GRIP1: variants seen among roughly 807,000 people sequenced by gnomAD.
GRIP1 encodes glutamate receptor-interacting protein 1.
GRIP1 carries 45 observed loss-of-function variants against 129.9 expected under a neutral mutation model. That is an observed-to-expected ratio of 0.35 (90% CI 0.27 to 0.44). The LOEUF (loss-of-function observed/expected upper bound fraction) is 0.44, where lower values mean the gene tolerates loss of function less well. GRIP1 is among the 20% of genes least tolerant of loss of function. The pLI, the probability that GRIP1 is intolerant of heterozygous loss-of-function variation, is 1.00. For synonymous variants in GRIP1, 530 were observed against 520.8 expected (o/e 1.02, Z -0.24); for missense variants, 1,196 against 1,396.8 (o/e 0.86, Z 2.29).
At chr12:66,449,787 G>A (rs995589155) in intron 11 of GRIP1, among the ~76,000 whole-genome samples, 2 of 152,158 alleles carry the variant, frequency 1.3e-5, no homozygotes, top group Non-Finnish European at 2.9e-5. Flanking sequence ...AGAGTATCAT[G>A]TTACAGCATC....
chr12:66,582,155 C>T (rs1290189029), intron 2 of GRIP1, among the ~76,000 whole-genome samples: 1 of 151,502 alleles, frequency 6.6e-6, no homozygotes, highest in Non-Finnish European at 1.5e-5. Flanking sequence ...AGACAAAAAC[C>T]ACATGATTAT....
chr12:66,573,535 G>A, intron 2 of GRIP1, among the ~76,000 whole-genome samples: 1 of 152,158 alleles, frequency 6.6e-6, no homozygotes, highest in East Asian at 1.9e-4. Context: ...GAAAACTGAA[G>A]CATGAAACTG....
At chr12:66,378,248 C>G (rs936938028) in intron 20 of GRIP1, among the ~76,000 whole-genome samples, 2 of 151,796 alleles carry the variant, frequency 1.3e-5, no homozygotes, top group South Asian at 4.2e-4. Context: ...TTGAGACCAG[C>G]GTGGCCAACA....
chr12:66,601,492 A>G (rs1301539067), intron 1 of GRIP1, among the ~76,000 whole-genome samples: 2 of 152,146 alleles, frequency 1.3e-5, no homozygotes, highest in Non-Finnish European at 1.5e-5. Context: ...GAGGCACCCG[A>G]TATGAATATG....
chr12:66,450,012 A>G (rs1219344841), intron 11 of GRIP1, among the ~76,000 whole-genome samples: 1 of 152,138 alleles, frequency 6.6e-6, no homozygotes, highest in East Asian at 1.9e-4. Flanking sequence ...ACTAAGAAAG[A>G]GCCAAGAGCC....
At chr12:66,584,340 T>C (rs1416364216) in intron 2 of GRIP1, among the ~76,000 whole-genome samples, 2 of 151,958 alleles carry the variant, frequency 1.3e-5, no homozygotes, top group African/African-American at 2.4e-5. Flanking sequence ...CGCACCAGCA[T>C]GGCACATGTA....
At chr12:66,757,726 T>C (rs771826702) in intron 1 of GRIP1, among the ~76,000 whole-genome samples, 18 of 152,176 alleles carry the variant, frequency 1.2e-4, no homozygotes, top group Non-Finnish European at 2.5e-4. Context: ...TGTACGAAGG[T>C]TCCCTTTTCT....
intron 1 of GRIP1, among the ~76,000 whole-genome samples, chr12:66,917,984 A>G (rs553845595): frequency 7.9e-5 from 12 of 152,064 alleles, no homozygotes; most frequent in Non-Finnish European, 1.8e-4. Context: ...ACGGAGAGAG[A>G]GAGAGAGAGA....
chr12:66,802,637 G>C (rs975366536), intron 1 of GRIP1, among the ~76,000 whole-genome samples: 3 of 152,028 alleles, frequency 2.0e-5, no homozygotes, highest in Non-Finnish European at 4.4e-5. Flanking sequence ...ATATATCATG[G>C]TACAAACCTG....
intron 1 of GRIP1, among the ~76,000 whole-genome samples, chr12:66,721,529 C>T (rs946533179): frequency 1.3e-5 from 2 of 152,150 alleles, no homozygotes; most frequent in Non-Finnish European, 2.9e-5. Context: ...TCCACCTCAG[C>T]CTTCCAAAGT....
At chr12:66,937,148 C>T (rs564142260) in intron 1 of GRIP1, among the ~76,000 whole-genome samples, 3 of 152,256 alleles carry the variant, frequency 2.0e-5, no homozygotes, top group Admixed American at 1.3e-4. Flanking sequence ...CATTCCTCCC[C>T]GAGATACCTG....
chr12:66,647,834 G>C (rs1278762315), intron 1 of GRIP1, among the ~76,000 whole-genome samples: 1 of 152,068 alleles, frequency 6.6e-6, no homozygotes, highest in Non-Finnish European at 1.5e-5. Context: ...AGAGATGATG[G>C]GTTTTGGAAC....
In GRIP1 at chr12:66,922,424, C is replaced by A. The variant is rs148056705; in HGVS notation, c.58+146626G>T. Reference sequence around the variant, plus strand: ...ACATTCTTAGCTTGTAAGAAAGTTTCACAATGTACCCATACATTGTCAAAT... The same window carrying A: ...ACATTCTTAGCTTGTAAGAAAGTTTAACAATGTACCCATACATTGTCAAAT... On this transcript the variant is annotated intron_variant, in intron 1 of 1. Coordinates refer to the GRIP1 transcript ENST00000643019. Among the ~76,000 whole-genome samples the A allele has an allele frequency of 1.3e-3, 198 of 152,254 alleles. 1 individual carries two copies. Among genetic ancestry groups the A allele is most frequent in the African/African-American group, 4.5e-3 (188 of 41,548 alleles).
chr12:67,042,862 A>G (rs1451598843), intron 1 of GRIP1, among the ~76,000 whole-genome samples: 2 of 152,216 alleles, frequency 1.3e-5, no homozygotes. Flanking sequence ...ATTAGACTCT[A>G]AGTATGAGTG....
chr12:67,007,500 G>A (rs2042644172), intron 1 of GRIP1, among the ~76,000 whole-genome samples: 1 of 152,102 alleles, frequency 6.6e-6, no homozygotes, highest in African/African-American at 2.4e-5. Context: ...AACAAAGAAT[G>A]AGGCAAATCA....
chr12:67,037,877 A>T, intron 1 of GRIP1, among the ~76,000 whole-genome samples: 1 of 152,220 alleles, frequency 6.6e-6, no homozygotes, highest in African/African-American at 2.4e-5. Context: ...ACCGTGCTTC[A>T]ACTTAACACA....
intron 1 of GRIP1, among the ~76,000 whole-genome samples, chr12:66,734,313 A>G (rs1288872358): frequency 6.6e-6 from 1 of 152,178 alleles, no homozygotes; most frequent in Non-Finnish European, 1.5e-5. Flanking sequence ...CTTGCTTCTG[A>G]CAAATTGGAA....
intron 1 of GRIP1, among the ~76,000 whole-genome samples, chr12:66,699,278 T>C (rs2035269401): frequency 1.3e-5 from 2 of 152,196 alleles, no homozygotes; most frequent in African/African-American, 4.8e-5. Context: ...GTTCAATAAC[T>C]AACATTTCTT....
intron 1 of GRIP1, among the ~76,000 whole-genome samples, chr12:66,665,101 C>T (rs67037824): frequency 0.18 from 27,439 of 150,626 alleles, 2,619 homozygotes; most frequent in East Asian, 0.26. Context: ...AGTGTAGTCT[C>T]GATCTCCCTG....
Sources: allele counts gnomAD v4.1 joint callset (sites outside exome capture counted in the v4.1 genomes callset), GRCh38; gene constraint gnomAD v4.1.1; transcripts MANE v1.5; gene names NCBI Gene and HGNC (gene_info 2026-07-23, HGNC 2026-07-21).